Variants in VPS13A observed in about 807,000 individuals in gnomAD.
The protein encoded by VPS13A is intermembrane lipid transfer protein VPS13A.
In VPS13A, 264 loss-of-function variants were observed where a neutral mutation model predicts 390.9. The observed-to-expected ratio is 0.68, with a 90% CI of 0.61 to 0.75. The LOEUF is 0.75. Among genes scored for constraint, VPS13A ranks in the 30% least tolerant of loss-of-function variants. The pLI is 0.00. For synonymous variants in VPS13A, 1,231 were observed against 1,227.1 expected, an observed-to-expected ratio of 1.00 and a Z score of -0.07; for missense variants, 3,409 against 3,733.9, an observed-to-expected ratio of 0.91 and a Z score of 2.27.
chr9:77,333,076 T>A (rs1198238318), intron 46 of VPS13A, among the ~76,000 whole-genome samples: 1 of 152,214 alleles, frequency 6.6e-6, no homozygotes, highest in East Asian at 1.9e-4. Flanking sequence ...TATCTGACCT[T>A]GCTCTAGAGA....
At chr9:77,313,912 A>G in intron 35 of VPS13A, 80 bp from the exon 36 acceptor site, 1 of 1,419,858 alleles carries the variant, frequency 7.0e-7, no homozygotes, top group Non-Finnish European at 9.7e-7. Context: ...TAATAATTCT[A>G]TTAAATCTAT....
intron 67 of VPS13A, among the ~76,000 whole-genome samples, chr9:77,380,910 A>G (rs1833393372): frequency 6.6e-6 from 1 of 152,216 alleles, no homozygotes; most frequent in South Asian, 2.1e-4. Context: ...GGTGGAGCTC[A>G]GGCAGTGAAA....
intron 40 of VPS13A, 143 bp downstream of exon 40, chr9:77,317,841 A>G (rs1829494015): frequency 1.9e-6 from 1 of 538,268 alleles, no homozygotes; most frequent in Non-Finnish European, 3.2e-6. Flanking sequence ...AGATATTTAC[A>G]AAGTAATATT....
At chr9:77,217,540 C>G (rs372934424) in intron 10 of VPS13A, among the ~76,000 whole-genome samples, 30 of 152,178 alleles carry the variant, frequency 2.0e-4, no homozygotes, top group African/African-American at 5.8e-4. Context: ...TTAGCTCCCA[C>G]TTACAAGTGA....
In VPS13A at chr9:77,419,661, T is replaced by G. The variant is rs779343115; in HGVS notation, c.*3655T>G. On this transcript the variant is annotated 3_prime_UTR_variant, in exon 72 of 72. Transcript: ENST00000360280. Reference sequence around the variant, plus strand: ...TGATTCAGTGGGACCAGAAAAAGCATAGAAAAATTAGATCCACACACAGCA... The same window carrying G: ...TGATTCAGTGGGACCAGAAAAAGCAGAGAAAAATTAGATCCACACACAGCA... 6.6e-6 allele frequency: 1 copy of G among 152,070 alleles called. No individual in the cohort carries two copies. Among genetic ancestry groups the G allele is most frequent in the Non-Finnish European group, 1.5e-5 (1 of 68,008 alleles). 9.4% of individuals were successfully genotyped at this position (152,070 alleles called of 1,614,324 possible).
At position 77,351,136 on chromosome 9, in the gene VPS13A, T is replaced by A. The variant is rs1831441730; in HGVS notation, c.7290-181T>A. The stretch of plus-strand genomic sequence containing the variant: ...ATGTATTTTCTAAGTGGGAAAATAA[T>A]GAGAAATATTCATTAGTGAACCCTT... On this transcript the variant is annotated intron_variant, in intron 52 of 71. Coordinates refer to ENST00000360280, the MANE Select transcript of VPS13A (RefSeq NM_033305.3). 4.6e-6 allele frequency: 3 copies of A among 648,864 alleles called. No homozygotes were observed. The Admixed American group carries it at 9.6e-5, about 21-fold the overall frequency. The allele number at this position is 648,864 out of a possible 1,614,324, so 40.2% of individuals were successfully genotyped here.
intron 20 of VPS13A, 136 bp from the exon 21 acceptor site, chr9:77,249,960 TC>T: frequency 1.1e-6 from 1 of 923,336 alleles, no homozygotes; most frequent in Non-Finnish European, 1.6e-6. Context: ...TGAGGACCTT[TC>T]TAATAGCCTT....
intron 20 of VPS13A, 67 bp from the exon 21 acceptor site, chr9:77,250,030 A>G: frequency 6.4e-7 from 1 of 1,555,232 alleles, no homozygotes; most frequent in Non-Finnish European, 8.8e-7. Flanking sequence ...AAGTCTAAAA[A>G]TTAAACACTT....
chr9:77,197,636 T>C (rs192857599), intron 1 of VPS13A, among the ~76,000 whole-genome samples: 8 of 152,270 alleles, frequency 5.3e-5, no homozygotes, highest in Admixed American at 3.9e-4. Flanking sequence ...ATTTTTTTTT[T>C]CTTCAGATTT....
At chr9:77,279,597 T>C (rs912403622) in intron 26 of VPS13A, among the ~76,000 whole-genome samples, 1 of 152,072 alleles carries the variant, frequency 6.6e-6, no homozygotes, top group Non-Finnish European at 1.5e-5. Flanking sequence ...GGCTTGAGGG[T>C]GGGGCCTTTG....
chr9:77,326,725 A>T (rs1369784557), intron 45 of VPS13A, among the ~76,000 whole-genome samples: 1 of 152,038 alleles, frequency 6.6e-6, no homozygotes, highest in Non-Finnish European at 1.5e-5. Flanking sequence ...GTTTCTTTTC[A>T]TTATGGTAAT....
rs755709970 is a variant in VPS13A at position 77,351,306 on chromosome 9, T to C, written c.7290-11T>C. On this transcript the variant is annotated splice_polypyrimidine_tract_variant and intron_variant, in intron 52 of 71. Transcript: ENST00000360280. The stretch of plus-strand genomic sequence containing the variant: ...CATTTAATTTAACGCGTATTTTTGC[T>C]ACTGTGTCAGTTCTCTCAGTGAAAT... 6.2e-7 allele frequency: 1 copy of C among 1,612,980 alleles called. No homozygotes were observed. Among genetic ancestry groups the C allele is most frequent in the African/African-American group, 1.3e-5 (1 of 75,016 alleles).
At position 77,316,181 on chromosome 9, in the gene VPS13A, A is replaced by G. The variant is rs763625089; in HGVS notation, c.4638A>G (p.Thr1546=). 6.2e-7 allele frequency: 1 copy of G among 1,606,584 alleles called. No homozygotes were observed. Among genetic ancestry groups the G allele is most frequent in the South Asian group, 1.1e-5 (1 of 90,786 alleles). Reference sequence around the variant, plus strand: ...TATTTTTATTTGTTTTAGTACCTACACAGGAATCAGTGAAGTGGGAAATTA... The same window carrying G: ...TATTTTTATTTGTTTTAGTACCTACGCAGGAATCAGTGAAGTGGGAAATTA... ...QTWTAKEEVP[T]QESVKWEINV... The change falls in exon 39 of 72, where the codon ACA becomes ACG. Residue 1546 remains threonine, a synonymous_variant. Coordinates refer to ENST00000360280, the MANE Select transcript of VPS13A (RefSeq NM_033305.3).
At position 77,357,743 on chromosome 9, in the gene VPS13A, A is replaced by G. The variant is rs1342628718; in HGVS notation, c.7858A>G (p.Ile2620Val). The G allele has an allele frequency of 4.3e-6, 7 of 1,613,908 alleles. No homozygotes were observed. The South Asian group carries it at 4.4e-5, about 10-fold the overall frequency. ...CATGAAAATTCTGCAGCCGCATGTA[A>G]TAGCTCTACGAAGAAATTATCTTCC... ...HNMKILQPHV[I>V]ALRRNYLPAL... The change falls in exon 56 of 72, where the codon ATA becomes GTA. Residue 2620 changes from isoleucine (I) to valine (V), a missense_variant. Transcript: ENST00000360280.
intron 45 of VPS13A, among the ~76,000 whole-genome samples, chr9:77,325,894 G>T (rs1468567413): frequency 6.6e-6 from 1 of 152,004 alleles, no homozygotes; most frequent in Non-Finnish European, 1.5e-5. Context: ...TTTTAAATAG[G>T]TTTAAAATAC....
chr9:77,244,759 G>A (rs1184740029), intron 19 of VPS13A, among the ~76,000 whole-genome samples: 1 of 151,932 alleles, frequency 6.6e-6, no homozygotes, highest in Non-Finnish European at 1.5e-5. Context: ...TGAATTTGGA[G>A]CTGAGTGAGG....
At chr9:77,350,508 G>T (rs188028025) in intron 52 of VPS13A, among the ~76,000 whole-genome samples, 1 of 152,038 alleles carries the variant, frequency 6.6e-6, no homozygotes, top group African/African-American at 2.4e-5. Context: ...TTGCTTGTTC[G>T]AAATGTCTTA....
At chr9:77,193,460 C>T (rs1265135026) in intron 1 of VPS13A, among the ~76,000 whole-genome samples, 1 of 151,948 alleles carries the variant, frequency 6.6e-6, no homozygotes, top group Non-Finnish European at 1.5e-5. Context: ...ATGGTGAAAC[C>T]CTGTCTCTAA....
Position 77,341,636 on chromosome 9 carries a change from A to G in VPS13A, c.7026+1086A>G, listed in dbSNP as rs1393810424. Among the ~76,000 whole-genome samples, 3 of 107,690 alleles carry G rather than the reference A, an allele frequency of 2.8e-5. No individual in the cohort carries two copies. In the East Asian group the frequency reaches 8.6e-4, roughly 31 times the overall value. The allele number at this position is 107,690 out of a possible 152,430, so 70.6% of individuals were successfully genotyped here. A position where few individuals can be genotyped will look rare whatever the true frequency, so the allele number is the denominator to read the frequency against. On this transcript the variant is annotated intron_variant, in intron 50 of 71. Transcript: ENST00000360280. The stretch of plus-strand genomic sequence containing the variant: ...CTCCATGTCTCTTAATAGCTCTTTT[A>G]TATTTTCCAACTCTCTTTGCTTCAT...
Sources: gnomAD v4.1 joint callset for allele counts (sites outside exome capture counted in the v4.1 genomes callset) on GRCh38, gnomAD v4.1.1 for gene constraint, MANE v1.5 for transcripts, NCBI Gene and HGNC (gene_info 2026-07-23, HGNC 2026-07-21) for gene names.